FAM13A: variants seen among roughly 807,000 people sequenced by gnomAD.
The protein encoded by FAM13A is family with sequence similarity 13 member A.
In FAM13A, 76 loss-of-function variants were observed where a neutral mutation model predicts 129.6. The observed-to-expected ratio is 0.59, with a 90% CI of 0.49 to 0.71. FAM13A has a LOEUF of 0.71. FAM13A is among the 30% of genes least tolerant of loss of function. FAM13A has a pLI of 0.00. For missense variants in FAM13A, 1,108 were observed against 1,249.3 expected, an observed-to-expected ratio of 0.89 and a Z score of 1.70; for synonymous variants, 443 against 449.9, an observed-to-expected ratio of 0.98 and a Z score of 0.20.
chr4:88,953,214 G>C (rs1579464330), intron 4 of FAM13A, among the ~76,000 whole-genome samples: 1 of 152,122 alleles, frequency 6.6e-6, no homozygotes, highest in East Asian at 1.9e-4. Flanking sequence ...CAGCACTTTG[G>C]GAAACCGAGG....
chr4:88,989,536 A>T (rs10004888), intron 4 of FAM13A: 105,771 of 152,166 alleles, frequency 0.7, 36,879 homozygotes, highest in Middle Eastern at 0.79. Flanking sequence ...CGGAGGGTGG[A>T]GGTTGCAGTG....
chr4:88,918,438 C>T (rs1240993635), intron 5 of FAM13A, among the ~76,000 whole-genome samples: 3 of 152,130 alleles, frequency 2.0e-5, no homozygotes, highest in African/African-American at 7.2e-5. Context: ...GTCTAAGGTC[C>T]TACACTTAGT....
Position 88,726,000 on chromosome 4 carries a change from TTA to T in FAM13A, c.*2531_*2532del, listed in dbSNP as rs1244617358. 3 of 152,264 alleles carry T rather than the reference TTA, an allele frequency of 2.0e-5. No individual in the cohort carries two copies. Among genetic ancestry groups the T allele is most frequent in the Non-Finnish European group, 4.4e-5 (3 of 68,044 alleles). 9.4% of individuals were successfully genotyped at this position (152,264 alleles called of 1,614,324 possible). A position where few individuals can be genotyped will look rare whatever the true frequency, so the allele number is the denominator to read the frequency against. On this transcript the variant is annotated 3_prime_UTR_variant, in exon 24 of 24. Transcript: ENST00000264344. Reference sequence around the variant, plus strand: ...CTTTAATTCTTAAGTTTACTTACACTTATGAAATAACTCTTGACATTTATTTT... The same window carrying T: ...CTTTAATTCTTAAGTTTACTTACACTTGAAATAACTCTTGACATTTATTTT...
intron 1 of FAM13A, among the ~76,000 whole-genome samples, chr4:89,054,897 C>T (rs375065704): frequency 1.3e-5 from 2 of 152,114 alleles, no homozygotes; most frequent in South Asian, 4.1e-4. Flanking sequence ...TCTTTGAACC[C>T]ATTCATTCAC....
intron 6 of FAM13A, among the ~76,000 whole-genome samples, chr4:88,866,204 G>A (rs906278754): frequency 1.3e-5 from 2 of 151,936 alleles, no homozygotes; most frequent in Non-Finnish European, 2.9e-5. Context: ...CTGCCACCAT[G>A]GCCCAGCTAA....
At chr4:88,787,664 G>A in intron 10 of FAM13A, 89 bp downstream of exon 10, 2 of 1,201,538 alleles carry the variant, frequency 1.7e-6, no homozygotes, top group Non-Finnish European at 2.4e-6. Context: ...GGACCAGGAG[G>A]TATGACTATA....
Position 89,020,764 on chromosome 4 carries a change from A to G in FAM13A, c.218-95T>C, listed in dbSNP as rs1041132930. ...AACACAAAGAAAGAAATCTCAGCATATGATTCTCTCAACACTGTAATTATC... is the reference window on the plus strand; with the variant it reads ...AACACAAAGAAAGAAATCTCAGCATGTGATTCTCTCAACACTGTAATTATC... On this transcript the variant is annotated intron_variant, in intron 2 of 23. Transcript: ENST00000264344. 6 of 795,574 alleles carry G rather than the reference A, an allele frequency of 7.5e-6. No homozygotes were observed. In the African/African-American group the frequency reaches 8.6e-5, roughly 11 times the overall value. 49.3% of individuals were successfully genotyped at this position (795,574 alleles called of 1,614,324 possible). A position where few individuals can be genotyped will look rare whatever the true frequency, so the allele number is the denominator to read the frequency against.
At chr4:88,909,319 C>T (rs897222045) in intron 5 of FAM13A, among the ~76,000 whole-genome samples, 1 of 151,988 alleles carries the variant, frequency 6.6e-6, no homozygotes, top group African/African-American at 2.4e-5. Context: ...TGAAAACATG[C>T]TAAGTGAAAT....
At chr4:88,828,955 G>A (rs1026318951) in intron 7 of FAM13A, among the ~76,000 whole-genome samples, 8 of 152,224 alleles carry the variant, frequency 5.3e-5, no homozygotes, top group African/African-American at 7.2e-5. Flanking sequence ...CCTTTTACAC[G>A]TTTTAGCTGG....
chr4:89,020,716 C>A, intron 2 of FAM13A, 47 bp from the exon 3 acceptor site: 4 of 1,255,040 alleles, frequency 3.2e-6, no homozygotes, highest in Non-Finnish European at 4.7e-6. Flanking sequence ...TTCTCACAGA[C>A]ATGAAACGTA....
At chr4:88,730,573 G>A (rs1737486552) in intron 23 of FAM13A, among the ~76,000 whole-genome samples, 1 of 152,052 alleles carries the variant, frequency 6.6e-6, no homozygotes, top group Non-Finnish European at 1.5e-5. Context: ...TGTATTTTTA[G>A]TAGAGATGGG....
intron 14 of FAM13A, among the ~76,000 whole-genome samples, chr4:88,751,259 A>G (rs1042868976): frequency 6.6e-6 from 1 of 152,156 alleles, no homozygotes; most frequent in Non-Finnish European, 1.5e-5. Flanking sequence ...AAACAAGCAA[A>G]CAAAAAAAAA....
chr4:88,893,717 A>G (rs1745798806), intron 6 of FAM13A, among the ~76,000 whole-genome samples: 1 of 151,238 alleles, frequency 6.6e-6, no homozygotes, highest in African/African-American at 2.4e-5. Context: ...ACAGCTAGCT[A>G]CTCGGGAGGG....
At chr4:88,764,688 T>C (rs1745409362) in intron 13 of FAM13A, among the ~76,000 whole-genome samples, 2 of 152,172 alleles carry the variant, frequency 1.3e-5, no homozygotes, top group Non-Finnish European at 2.9e-5. Context: ...GGGAGCAGTG[T>C]GCTAGGCTCT....
intron 1 of FAM13A, among the ~76,000 whole-genome samples, chr4:89,036,568 T>C (rs1052205572): frequency 6.6e-6 from 1 of 152,186 alleles, no homozygotes; most frequent in African/African-American, 2.4e-5. Flanking sequence ...TAGGGAGGAA[T>C]TCAAGCCAGC....
chr4:89,043,675 C>T (rs182311966), intron 1 of FAM13A, among the ~76,000 whole-genome samples: 7 of 152,078 alleles, frequency 4.6e-5, no homozygotes, highest in Middle Eastern at 3.4e-3. Context: ...AAACTATAAA[C>T]TAACAAAAAG....
chr4:88,876,308 T>C (rs1194834282), intron 6 of FAM13A, among the ~76,000 whole-genome samples: 6 of 151,872 alleles, frequency 4.0e-5, no homozygotes, highest in African/African-American at 1.2e-4. Context: ...AAAAAAAGAA[T>C]TGCATTCTAA....
chr4:88,853,624 A>G (rs1378619551), intron 6 of FAM13A, among the ~76,000 whole-genome samples: 1 of 152,188 alleles, frequency 6.6e-6, no homozygotes, highest in Non-Finnish European at 1.5e-5. Flanking sequence ...GTTTGACAAC[A>G]TTTCATGGTG....
chr4:89,029,351 AG>A, intron 2 of FAM13A, 108 bp downstream of exon 2: 1 of 840,520 alleles, frequency 1.2e-6, no homozygotes, highest in Non-Finnish European at 1.9e-6. Flanking sequence ...ATTCTAATGA[AG>A]GTGCTTTAGA....
Sources: allele counts gnomAD v4.1 joint callset (sites outside exome capture counted in the v4.1 genomes callset), GRCh38; gene constraint gnomAD v4.1.1; transcripts MANE v1.5; gene names NCBI Gene and HGNC (gene_info 2026-07-23, HGNC 2026-07-21).